PRRC1: variants seen among roughly 807,000 people sequenced by gnomAD.
PRRC1 encodes the protein protein PRRC1.
PRRC1 carries 39 observed loss-of-function variants against 40.7 expected under a neutral mutation model. The observed-to-expected ratio is 0.96, with a 90% CI of 0.74 to 1.25. The LOEUF is 1.25. Among genes scored for constraint, PRRC1 ranks in the 50% most tolerant of loss-of-function variants. PRRC1 has a pLI of 0.00. For synonymous variants in PRRC1, 175 were observed against 193.3 expected (o/e 0.91, Z 0.79); for missense variants, 573 against 548.3 (o/e 1.05, Z -0.45).
At chr5:127,527,732 T>G (rs1767658891) in intron 4 of PRRC1, among the ~76,000 whole-genome samples, 1 of 118,680 alleles carries the variant, frequency 8.4e-6, no homozygotes, top group Non-Finnish European at 1.6e-5. Flanking sequence ...CATTCCAGTC[T>G]AAGTGACAGA....
rs75251877 is a variant in PRRC1, at chr5:127,552,108, T to C, written c.*192T>C. On this transcript the variant is annotated 3_prime_UTR_variant, in exon 9 of 9. Transcript: ENST00000296666. ...GAGACAAAAAGAAACAAATCCTTTT[T>C]ATAGTCATACCATTTCACCTATCAT... is the stretch of plus-strand genomic sequence containing the variant. 2,347 of 1,407,448 alleles carry C rather than the reference T, an allele frequency of 1.7e-3. 32 individuals are homozygous for C. The African/African-American group carries it at 0.03, about 18-fold the overall frequency. 87.2% of individuals were successfully genotyped at this position (1,407,448 alleles called of 1,614,324 possible).
intron 1 of PRRC1, among the ~76,000 whole-genome samples, chr5:127,522,595 G>A (rs151303797): frequency 5.9e-4 from 89 of 151,536 alleles, no homozygotes; most frequent in Non-Finnish European, 1.1e-3. Context: ...TCTTCCTATG[G>A]TGCCCAGGCT....
At chr5:127,550,708 A>G (rs1455091900) in intron 8 of PRRC1, 2 of 152,224 alleles carry the variant, frequency 1.3e-5, no homozygotes, top group African/African-American at 4.8e-5. Context: ...TGAGAAGCAC[A>G]GTGTTACTGG....
At chr5:127,522,280 G>C (rs2127088890) in intron 1 of PRRC1, among the ~76,000 whole-genome samples, 1 of 152,242 alleles carries the variant, frequency 6.6e-6, no homozygotes, top group African/African-American at 2.4e-5. Context: ...TGGCATTTTT[G>C]CTATAGTTAA....
chr5:127,527,777 A>C (rs1465783612), intron 4 of PRRC1, among the ~76,000 whole-genome samples: 1 of 151,422 alleles, frequency 6.6e-6, no homozygotes, highest in Non-Finnish European at 1.5e-5. Context: ...AAAAAAAAAA[A>C]ACCAAAAAAC....
intron 4 of PRRC1, among the ~76,000 whole-genome samples, chr5:127,529,632 C>T (rs567412043): frequency 1.8e-4 from 28 of 152,202 alleles, no homozygotes; most frequent in African/African-American, 6.3e-4. Context: ...CCTGGAGTGT[C>T]TTTTACCCTT....
intron 1 of PRRC1, among the ~76,000 whole-genome samples, chr5:127,521,529 C>G (rs758143014): frequency 6.6e-6 from 1 of 152,116 alleles, no homozygotes; most frequent in Admixed American, 6.5e-5. Context: ...CTTGACATTG[C>G]TCCATCTGTG....
intron 6 of PRRC1, among the ~76,000 whole-genome samples, chr5:127,535,038 G>T (rs193013370): frequency 6.6e-6 from 1 of 152,090 alleles, no homozygotes; most frequent in Non-Finnish European, 1.5e-5. Context: ...CCATAAAGTT[G>T]CTACAGACTG....
chr5:127,546,047 C>T (rs1768210946), intron 7 of PRRC1, among the ~76,000 whole-genome samples: 1 of 152,158 alleles, frequency 6.6e-6, no homozygotes, highest in African/African-American at 2.4e-5. Context: ...GCCCATTTCT[C>T]TCCCTTCTCT....
At chr5:127,527,778 A>C (rs79263858) in intron 4 of PRRC1, among the ~76,000 whole-genome samples, 9 of 150,218 alleles carry the variant, frequency 6.0e-5, no homozygotes, top group African/African-American at 9.8e-5. Flanking sequence ...AAAAAAAAAA[A>C]CCAAAAAACT....
At chr5:127,523,397 C>T in intron 1 of PRRC1, 63 bp from the exon 2 acceptor site, 2 of 709,222 alleles carry the variant, frequency 2.8e-6, no homozygotes, top group Non-Finnish European at 2.2e-6. Flanking sequence ...GTTCTCTATT[C>T]AAGCTTTAAA....
chr5:127,527,186 A>T (rs577540285), intron 4 of PRRC1, among the ~76,000 whole-genome samples: 29 of 151,996 alleles, frequency 1.9e-4, no homozygotes, highest in South Asian at 6.2e-4. Flanking sequence ...TATTTTTTTT[A>T]AATTAGTTAA....
rs1023180078 is a variant in PRRC1 at position 127,554,618 on chromosome 5, A to C, written c.*2702A>C. 6.6e-6 allele frequency: 1 copy of C among 152,404 alleles called. No homozygotes were observed. 9.4% of individuals were successfully genotyped at this position (152,404 alleles called of 1,614,324 possible). A position where few individuals can be genotyped will look rare whatever the true frequency, so the allele number is the denominator to read the frequency against. ...CTGTGTCACAGACTTCTGAATGTTT[A>C]GGCAGTGCTAGTAATTTCCTCGTAA... is the stretch of plus-strand genomic sequence containing the variant. On this transcript the variant is annotated 3_prime_UTR_variant, in exon 9 of 9. Coordinates refer to ENST00000296666, the MANE Select transcript of PRRC1 (RefSeq NM_130809.5).
chr5:127,542,330 C>T (rs1429777472), intron 7 of PRRC1, among the ~76,000 whole-genome samples: 4 of 151,782 alleles, frequency 2.6e-5, no homozygotes, highest in Non-Finnish European at 4.4e-5. Flanking sequence ...TGGTGTGGTG[C>T]TGAAAAAAAT....
intron 7 of PRRC1, among the ~76,000 whole-genome samples, chr5:127,542,277 G>A (rs1768070762): frequency 6.6e-6 from 1 of 152,146 alleles, no homozygotes; most frequent in East Asian, 1.9e-4. Flanking sequence ...ATGTGCTGAG[G>A]AGAGCTTTAC....
intron 7 of PRRC1, among the ~76,000 whole-genome samples, chr5:127,545,108 A>G (rs1327203357): frequency 6.6e-6 from 1 of 152,102 alleles, no homozygotes; most frequent in Admixed American, 6.5e-5. Flanking sequence ...CACCAGTTAG[A>G]ATGGCAATCA....
chr5:127,532,804 T>TTA (rs1767808894), intron 5 of PRRC1, among the ~76,000 whole-genome samples: 1 of 152,202 alleles, frequency 6.6e-6, no homozygotes, highest in South Asian at 2.1e-4. Context: ...ATGTTTTACA[T>TTA]TATAAACAAT....
At chr5:127,548,675 A>G (rs888746943) in intron 8 of PRRC1, 6 of 152,100 alleles carry the variant, frequency 3.9e-5, no homozygotes, top group African/African-American at 1.4e-4. Context: ...ACATTTGAGA[A>G]TCTAAGAAAA....
rs1227219990 is a variant in PRRC1 at position 127,530,405 on chromosome 5, A to G, written c.757+9A>G. 3.1e-6 allele frequency: 5 copies of G among 1,603,218 alleles called. No homozygotes were observed. Among genetic ancestry groups the G allele is most frequent in the Non-Finnish European group, 4.3e-6 (5 of 1,171,690 alleles). On this transcript the variant is annotated intron_variant, in intron 5 of 8. Transcript: ENST00000296666. ...CATGGCTCCCTATATCAGTATGTACATAAGTTAGACCGGTATCTGCCATTT... is the reference window on the plus strand; with the variant it reads ...CATGGCTCCCTATATCAGTATGTACGTAAGTTAGACCGGTATCTGCCATTT...
Sources: allele counts gnomAD v4.1 joint callset (sites outside exome capture counted in the v4.1 genomes callset), GRCh38; gene constraint gnomAD v4.1.1; transcripts MANE v1.5; gene names NCBI Gene and HGNC (gene_info 2026-07-23, HGNC 2026-07-21).